Variants in COL4A6 observed in about 807,000 individuals in gnomAD.
The protein encoded by COL4A6 is collagen type IV alpha 6 chain.
In COL4A6, 59 loss-of-function variants were observed where a neutral mutation model predicts 126.7. The ratio of observed to expected loss-of-function variants is 0.47; its 90% CI spans 0.38 to 0.58. COL4A6 has a LOEUF of 0.58. Among genes scored for constraint, COL4A6 ranks in the 20% least tolerant of loss-of-function variants. COL4A6 has a pLI of 0.00. For synonymous variants in COL4A6, 547 were observed against 496.6 expected (o/e 1.10, Z -1.35); for missense variants, 1,285 against 1,337.3 (o/e 0.96, Z 0.61).
intron 3 of COL4A6, among the ~76,000 whole-genome samples, chrX:108,225,832 G>A (rs2036152301): frequency 8.9e-6 from 1 of 112,731 alleles, no homozygotes; most frequent in African/African-American, 3.2e-5. Context: ...AGGTTCCAGT[G>A]TTCTTCTCCC....
intron 44 of COL4A6, 102 bp from the exon 45 acceptor site, chrX:108,157,362 C>T: frequency 7.4e-6 from 8 of 1,080,334 alleles, no homozygotes; most frequent in Non-Finnish European, 9.8e-6. Flanking sequence ...AGCTCCATTC[C>T]TAAGCCCTGG....
Position 108,209,969 on chromosome X carries a change from A to T in COL4A6, c.546T>A (p.Thr182=), listed in dbSNP as rs774669351. ...DPGLPGLDGI[T]GPQGAPGFPG... is the part of the protein sequence containing the mutation. ...GCTCAACACATAAATAACAACTTAC[A>T]GTGATTCCATCCAGTCCAGGCAGCC... The change falls in exon 8 of 45, where the codon ACT becomes ACA. Residue 182 remains threonine, a splice_region_variant and synonymous_variant. Transcript: ENST00000334504. 1.7e-6 allele frequency: 2 copies of T among 1,210,033 alleles called. No individual in the cohort carries two copies. The highest frequency in any genetic ancestry group is 4.4e-5 in the Admixed American group (2 of 45,909).
intron 3 of COL4A6, among the ~76,000 whole-genome samples, chrX:108,279,254 C>G (rs909181806): frequency 9.0e-6 from 1 of 110,900 alleles, no homozygotes; most frequent in Non-Finnish European, 1.9e-5. Context: ...ACCCATCTCA[C>G]GTGCAGAGAC....
At chrX:108,284,289 AT>A in intron 3 of COL4A6, among the ~76,000 whole-genome samples, 1 of 103,204 alleles carries the variant, frequency 9.7e-6, no homozygotes, top group Non-Finnish European at 2.0e-5. Context: ...GGAGGGGAAC[AT>A]CACACACTGG....
intron 2 of COL4A6, among the ~76,000 whole-genome samples, chrX:108,382,914 C>T (rs1256899302): frequency 1.9e-5 from 2 of 106,381 alleles, no homozygotes; most frequent in Non-Finnish European, 1.9e-5. Flanking sequence ...TGCCACTGTA[C>T]TCCAGTCTGG....
chrX:108,191,953 C>T (rs980005879), intron 18 of COL4A6, among the ~76,000 whole-genome samples: 2 of 112,085 alleles, frequency 1.8e-5, no homozygotes, highest in African/African-American at 6.5e-5. Context: ...ATATCTGGGG[C>T]ATCACTGCCT....
chrX:108,337,060 G>A (rs926267844), intron 2 of COL4A6, among the ~76,000 whole-genome samples: 3 of 111,108 alleles, frequency 2.7e-5, no homozygotes, highest in Non-Finnish European at 1.9e-5. Flanking sequence ...GACTGAGGTA[G>A]GCCCACTTTA....
At chrX:108,341,643 G>A (rs1168770587) in intron 2 of COL4A6, among the ~76,000 whole-genome samples, 1 of 110,799 alleles carries the variant, frequency 9.0e-6, no homozygotes, top group Non-Finnish European at 1.9e-5. Flanking sequence ...TCTTGGGTAT[G>A]CCTTTATCAG....
At chrX:108,203,785 C>T (rs2035460386) in intron 12 of COL4A6, among the ~76,000 whole-genome samples, 1 of 112,425 alleles carries the variant, frequency 8.9e-6, no homozygotes, top group Non-Finnish European at 1.9e-5. Context: ...TCAAACAGGT[C>T]TATAGTGTAA....
chrX:108,330,529 A>T (rs919942303), intron 2 of COL4A6, among the ~76,000 whole-genome samples: 11 of 111,474 alleles, frequency 9.9e-5, no homozygotes, highest in Non-Finnish European at 5.7e-5. Flanking sequence ...TGGCCTTTTA[A>T]ATGGTTGATG....
chrX:108,229,399 T>A (rs1036032587), intron 3 of COL4A6, among the ~76,000 whole-genome samples: 1 of 112,013 alleles, frequency 8.9e-6, no homozygotes, highest in Non-Finnish European at 1.9e-5. Context: ...GTAAGAAAAT[T>A]CGAGTAGATC....
intron 2 of COL4A6, among the ~76,000 whole-genome samples, chrX:108,387,208 G>C (rs1439972725): frequency 1.8e-5 from 2 of 112,131 alleles, no homozygotes; most frequent in African/African-American, 3.2e-5. Context: ...ACTCTTTTCT[G>C]TTTCCATATG....
chrX:108,239,123 T>G (rs2036511597), intron 3 of COL4A6, among the ~76,000 whole-genome samples: 1 of 112,323 alleles, frequency 8.9e-6, no homozygotes, highest in South Asian at 3.7e-4. Context: ...TTTTAGACAT[T>G]GCAAATACCT....
intron 3 of COL4A6, among the ~76,000 whole-genome samples, chrX:108,246,841 A>G (rs2036730767): frequency 2.7e-5 from 3 of 111,185 alleles, no homozygotes; most frequent in Admixed American, 9.6e-5. Context: ...GGTGGGCCCC[A>G]ACTCACATCA....
Position 108,281,568 on chromosome X carries a change from G to A in COL4A6, c.144+29180C>T, listed in dbSNP as rs1201638809. ...TCAACATCGTGAAAATGGCCATACT[G>A]CCCAAGGCAATTTATAGATTCAATG... is the stretch of plus-strand genomic sequence containing the variant. On this transcript the variant is annotated intron_variant, in intron 3 of 44. Transcript: ENST00000334504. 3.6e-5 allele frequency among the ~76,000 whole-genome samples: 4 copies of A among 111,293 alleles called. No individual in the cohort carries two copies. The Admixed American group carries it at 3.8e-4, about 11-fold the overall frequency.
intron 2 of COL4A6, among the ~76,000 whole-genome samples, chrX:108,393,602 A>G (rs1171381051): frequency 8.9e-6 from 1 of 112,301 alleles, no homozygotes; most frequent in African/African-American, 3.2e-5. Flanking sequence ...AAAACCATTG[A>G]ACTATACACT....
chrX:108,204,465 T>C (rs1420692701), intron 11 of COL4A6, 53 bp from the exon 12 acceptor site: 4 of 1,050,437 alleles, frequency 3.8e-6, no homozygotes, highest in Non-Finnish European at 5.3e-6. Flanking sequence ...CGACCGTTTT[T>C]CCAGAGTGGG....
At chrX:108,364,855 T>A (rs2040162858) in intron 2 of COL4A6, among the ~76,000 whole-genome samples, 1 of 111,665 alleles carries the variant, frequency 9.0e-6, no homozygotes, top group Non-Finnish European at 1.9e-5. Flanking sequence ...CATCTGCTAA[T>A]GGACGCTTAG....
At chrX:108,330,025 G>A (rs2039257957) in intron 2 of COL4A6, among the ~76,000 whole-genome samples, 1 of 109,071 alleles carries the variant, frequency 9.2e-6, no homozygotes. Flanking sequence ...TCTGTGAATA[G>A]CCAGGAAAAT....
Sources: allele counts gnomAD v4.1 joint callset (sites outside exome capture counted in the v4.1 genomes callset), GRCh38; gene constraint gnomAD v4.1.1; transcripts MANE v1.5; gene names NCBI Gene and HGNC (gene_info 2026-07-23, HGNC 2026-07-21).